RIN2: variants seen among roughly 807,000 people sequenced by gnomAD.
RIN2 encodes RAB5 interacting protein 2.
RIN2 carries 36 observed loss-of-function variants against 78.0 expected under a neutral mutation model. The observed-to-expected ratio is 0.46, with a 90% CI of 0.35 to 0.61. The LOEUF (loss-of-function observed/expected upper bound fraction) is 0.61, where lower values mean the gene tolerates loss of function less well. Ranked by LOEUF, RIN2 falls within the 20% of genes least tolerant of loss-of-function variation. The pLI, the probability that RIN2 is intolerant of heterozygous loss-of-function variation, is 0.00. For missense variants in RIN2, 1,087 were observed against 1,159.7 expected (o/e 0.94, Z 0.91); for synonymous variants, 466 against 466.8 (o/e 1.00, Z 0.02).
intron 11 of RIN2, among the ~76,000 whole-genome samples, chr20:19,993,288 C>T (rs1436819176): frequency 4.0e-5 from 6 of 151,524 alleles, no homozygotes; most frequent in African/African-American, 1.2e-4. Context: ...TTTTTTTTCC[C>T]GTGAGTTTCA....
chr20:19,801,699 T>C (rs2035249033), intron 2 of RIN2, among the ~76,000 whole-genome samples: 1 of 152,222 alleles, frequency 6.6e-6, no homozygotes, highest in Non-Finnish European at 1.5e-5. Context: ...GTCTTTCCTA[T>C]TCTTCACCTC....
chr20:19,934,056 T>G (rs1470572024), intron 3 of RIN2, among the ~76,000 whole-genome samples: 1 of 152,120 alleles, frequency 6.6e-6, no homozygotes, highest in South Asian at 2.1e-4. Context: ...GTGATCTGCC[T>G]GCCTCGGCCT....
chr20:19,880,476 G>C (rs980204179), intron 2 of RIN2, among the ~76,000 whole-genome samples: 2 of 128,878 alleles, frequency 1.6e-5, no homozygotes, highest in Admixed American at 1.9e-4. Flanking sequence ...GATTAATGCA[G>C]CCTTGACCTT....
At chr20:19,972,800 G>T (rs1227365820) in intron 8 of RIN2, among the ~76,000 whole-genome samples, 1 of 152,226 alleles carries the variant, frequency 6.6e-6, no homozygotes, top group Non-Finnish European at 1.5e-5. Flanking sequence ...GGAGGTGGAA[G>T]TAATTTCTCC....
At chr20:19,963,340 G>A (rs1423796049) in intron 6 of RIN2, among the ~76,000 whole-genome samples, 5 of 152,204 alleles carry the variant, frequency 3.3e-5, no homozygotes, top group Non-Finnish European at 4.4e-5. Flanking sequence ...AGCAGCCGGC[G>A]CAGTGGCTCA....
intron 2 of RIN2, among the ~76,000 whole-genome samples, chr20:19,845,284 T>C (rs900445092): frequency 3.3e-5 from 5 of 151,894 alleles, no homozygotes; most frequent in Non-Finnish European, 5.9e-5. Context: ...GTATTTCTAG[T>C]TCTAGATCCT....
intron 7 of RIN2, among the ~76,000 whole-genome samples, chr20:19,966,819 T>C (rs2041954873): frequency 6.6e-6 from 1 of 152,126 alleles, no homozygotes; most frequent in African/African-American, 2.4e-5. Context: ...CCTGCCATGA[T>C]TTGGGCAGGA....
At position 19,918,353 on chromosome 20, in the gene RIN2, TTGTGTGTGTGTGTG is replaced by T. The variant is rs3059683; in HGVS notation, c.58-16718_58-16705del. Among the ~76,000 whole-genome samples, 1,302 of 147,218 alleles carry T rather than the reference TTGTGTGTGTGTGTG, an allele frequency of 8.8e-3. 19 individuals carry two copies. Among genetic ancestry groups the T allele is most frequent in the African/African-American group, 0.03 (1,191 of 40,244 alleles). The stretch of plus-strand genomic sequence containing the variant: ...AAAACGTGACTCTCATACAAATACA[TTGTGTGTGTGTGTG>T]TGTGTGTGTGTGTGTGTGTGTGTGT... On this transcript the variant is annotated intron_variant, in intron 3 of 12. Coordinates refer to ENST00000255006, the MANE Select transcript of RIN2 (RefSeq NM_018993.4).
chr20:19,784,320 A>ATGTG (rs60892991), intron 1 of RIN2, among the ~76,000 whole-genome samples: 5 of 149,424 alleles, frequency 3.3e-5, no homozygotes, highest in Admixed American at 1.3e-4. Flanking sequence ...TTAAACAATT[A>ATGTG]TGTGTGTGTG....
chr20:19,854,505 T>C (rs888128096), intron 2 of RIN2, among the ~76,000 whole-genome samples: 21 of 152,348 alleles, frequency 1.4e-4, no homozygotes, highest in African/African-American at 3.6e-4. Context: ...ATTCTTCCTA[T>C]CTATGAGCAT....
intron 6 of RIN2, among the ~76,000 whole-genome samples, chr20:19,961,304 C>T (rs1416618297): frequency 6.6e-6 from 1 of 152,182 alleles, no homozygotes; most frequent in African/African-American, 2.4e-5. Flanking sequence ...TAATCAGAGG[C>T]AGAATCCAAC....
intron 3 of RIN2, among the ~76,000 whole-genome samples, chr20:19,891,398 C>A (rs1568577174): frequency 6.6e-6 from 1 of 152,166 alleles, no homozygotes; most frequent in Non-Finnish European, 1.5e-5. Context: ...AAAACCTCTC[C>A]TTAACCCAAA....
In RIN2 at chr20:19,946,713, C is replaced by CAAA. The variant is rs74180972; in HGVS notation, c.159-9884_159-9882dup. 5.6e-4 allele frequency among the ~76,000 whole-genome samples: 44 copies of CAAA among 77,976 alleles called. 1 individual carries two copies. Among genetic ancestry groups the CAAA allele is most frequent in the South Asian group, 1.9e-3 (4 of 2,076 alleles). 51.2% of individuals were successfully genotyped at this position (77,976 alleles called of 152,430 possible). A position where few individuals can be genotyped will look rare whatever the true frequency, so the allele number is the denominator to read the frequency against. On this transcript the variant is annotated intron_variant, in intron 4 of 12. Coordinates refer to ENST00000255006, the MANE Select transcript of RIN2 (RefSeq NM_018993.4). Reference sequence around the variant, plus strand: ...TGGGTGACAGAGCAAGATTCTATCTCAAAAAAAAAAAAAAAAAAAAGGGAA... The same window carrying CAAA: ...TGGGTGACAGAGCAAGATTCTATCTCAAAAAAAAAAAAAAAAAAAAAAAGGGAA...
At chr20:19,907,903 G>C (rs2039286098) in intron 3 of RIN2, among the ~76,000 whole-genome samples, 2 of 152,154 alleles carry the variant, frequency 1.3e-5, no homozygotes, top group South Asian at 4.1e-4. Flanking sequence ...TCTGTAAGGT[G>C]GGATTAATAA....
At chr20:19,878,806 T>C (rs1277020968) in intron 2 of RIN2, among the ~76,000 whole-genome samples, 2 of 152,168 alleles carry the variant, frequency 1.3e-5, no homozygotes, top group East Asian at 3.9e-4. Flanking sequence ...CATAATCTAA[T>C]TCTTTTGCTA....
chr20:19,870,711 T>C lies in RIN2; in HGVS notation c.-36-18855T>C, dbSNP rs541976677. ...TTCTTTGTTTTTCACGACATTGATA[T>C]TGATGTAGAATCTAGGCCAGTTCTA... On this transcript the variant is annotated intron_variant, in intron 2 of 12. Coordinates refer to ENST00000255006, the MANE Select transcript of RIN2 (RefSeq NM_018993.4). 3.9e-5 allele frequency among the ~76,000 whole-genome samples: 6 copies of C among 152,320 alleles called. No homozygotes were observed. In the South Asian group the frequency reaches 1.2e-3, roughly 32 times the overall value.
chr20:19,881,238 C>T (rs138534632), intron 2 of RIN2, among the ~76,000 whole-genome samples: 2,859 of 152,280 alleles, frequency 0.019, 47 homozygotes, highest in Middle Eastern at 0.034. Context: ...TGATGTCACA[C>T]TGGTAGCTTG....
intron 2 of RIN2, among the ~76,000 whole-genome samples, chr20:19,860,376 C>A (rs2037296753): frequency 6.6e-6 from 1 of 151,940 alleles, no homozygotes; most frequent in Non-Finnish European, 1.5e-5. Flanking sequence ...GGCTGGAGTG[C>A]AGTGGCTCGA....
At chr20:19,793,149 C>T (rs558158308) in intron 1 of RIN2, among the ~76,000 whole-genome samples, 212 of 152,076 alleles carry the variant, frequency 1.4e-3, no homozygotes, top group African/African-American at 4.9e-3. Context: ...TTTTTGTAGT[C>T]ACATTTTAGA....
Sources: gnomAD v4.1 joint callset for allele counts (sites outside exome capture counted in the v4.1 genomes callset) on GRCh38, gnomAD v4.1.1 for gene constraint, MANE v1.5 for transcripts, NCBI Gene and HGNC (gene_info 2026-07-23, HGNC 2026-07-21) for gene names.